Variants in NUBPL observed in about 807,000 individuals in gnomAD.
NUBPL encodes NUBP iron-sulfur cluster assembly factor, mitochondrial.
Under a neutral mutation model 45.7 loss-of-function variants are expected in NUBPL, and 31 were observed. That is an observed-to-expected ratio of 0.68 (90% CI 0.51 to 0.92). The LOEUF is 0.92. Ranked by LOEUF, NUBPL falls within the 40% of genes least tolerant of loss-of-function variation. The probability of loss-of-function intolerance (pLI) is 0.00; values close to 1 mark genes in which losing one functional copy is unlikely to be tolerated. For synonymous variants in NUBPL, 144 were observed against 140.9 expected (o/e 1.02, Z -0.15); for missense variants, 401 against 398.7 (o/e 1.01, Z -0.05).
intron 7 of NUBPL, among the ~76,000 whole-genome samples, chr14:31,812,771 G>C (rs1254262150): frequency 1.3e-5 from 2 of 152,018 alleles, no homozygotes; most frequent in African/African-American, 4.8e-5. Context: ...ATCTTGCAAG[G>C]GTTTTATCTT....
In NUBPL at chr14:31,702,960, CTG is replaced by C. The variant is rs148260045; in HGVS notation, c.513+29389_513+29390del. Among the ~76,000 whole-genome samples, 136 of 152,308 alleles carry C rather than the reference CTG, an allele frequency of 8.9e-4. 1 individual carries two copies. Among genetic ancestry groups the C allele is most frequent in the African/African-American group, 3.2e-3 (134 of 41,562 alleles). On this transcript the variant is annotated intron_variant, in intron 6 of 10. Coordinates refer to ENST00000281081, the MANE Select transcript of NUBPL (RefSeq NM_025152.3). ...TCTCTTTAATATCTTTAACTAAAAA[CTG>C]TGATTCCCTGCAGACAGTGCTTTTA...
intron 10 of NUBPL, among the ~76,000 whole-genome samples, chr14:31,852,562 T>C (rs1187824851): frequency 6.6e-6 from 1 of 152,060 alleles, no homozygotes; most frequent in Non-Finnish European, 1.5e-5. Context: ...TCCCGGCTAC[T>C]TGGGAGGCTG....
At chr14:31,740,462 T>C (rs2038259664) in intron 6 of NUBPL, among the ~76,000 whole-genome samples, 1 of 152,258 alleles carries the variant, frequency 6.6e-6, no homozygotes, top group Admixed American at 6.5e-5. Context: ...TTTGGTGAGA[T>C]GTATTTAAGG....
intron 6 of NUBPL, among the ~76,000 whole-genome samples, chr14:31,693,857 C>CTTTTTTTTTTT (rs36082577): frequency 1.2e-4 from 7 of 59,174 alleles, no homozygotes; most frequent in Non-Finnish European, 2.0e-4. Context: ...CTTTTCTTTT[C>CTTTTTTTTTTT]TTTTTTTTTT....
rs560529509 is a variant in NUBPL at position 31,561,972 on chromosome 14, C to A, written c.109-96C>A. ...ATGAGCAGAATTAGAAAAGAAAGCC[C>A]TCTTAATTGCAAACCCCAGATTGTT... On this transcript the variant is annotated intron_variant, in intron 1 of 10. Transcript: ENST00000281081. 2.0e-4 allele frequency: 252 copies of A among 1,237,118 alleles called. 2 individuals carry two copies. The East Asian group carries it at 2.2e-3, about 11-fold the overall frequency. The allele number at this position is 1,237,118 out of a possible 1,614,324, so 76.6% of individuals were successfully genotyped here.
chr14:31,833,646 G>T (rs1260140211), intron 8 of NUBPL, among the ~76,000 whole-genome samples: 1 of 152,162 alleles, frequency 6.6e-6, no homozygotes, highest in Non-Finnish European at 1.5e-5. Flanking sequence ...ATGAACAGGT[G>T]AGCAGAGTAG....
intron 6 of NUBPL, among the ~76,000 whole-genome samples, chr14:31,737,067 C>T (rs35144494): frequency 0.4 from 55,849 of 140,852 alleles, 12,572 homozygotes; most frequent in East Asian, 0.63. Flanking sequence ...TTTGGATATG[C>T]GCCCTTTGTC....
rs34927697 is a variant in NUBPL, at chr14:31,667,403, G to A, written c.383-5952G>A. Among the ~76,000 whole-genome samples, 1,314 of 151,906 alleles carry A rather than the reference G, an allele frequency of 8.7e-3. 12 individuals are homozygous for A. The highest frequency in any genetic ancestry group is 0.013 in the Non-Finnish European group (891 of 67,950). On this transcript the variant is annotated intron_variant, in intron 4 of 10. Coordinates refer to ENST00000281081, the MANE Select transcript of NUBPL (RefSeq NM_025152.3). ...GTGCTGTGTTTTTCAGCACCATCAG[G>A]TCATTTATCTTCTTCTCTAAACTGG...
chr14:31,754,654 G>C (rs116970926), intron 6 of NUBPL, among the ~76,000 whole-genome samples: 11,705 of 76,308 alleles, frequency 0.15, 600 homozygotes, highest in African/African-American at 0.22. Context: ...TATTTTTCTT[G>C]TTGCAGGCAA....
chr14:31,757,199 G>T (rs12588233), intron 6 of NUBPL, among the ~76,000 whole-genome samples: 3 of 98,496 alleles, frequency 3.0e-5, no homozygotes, highest in African/African-American at 8.3e-5. Context: ...TTGGTATCAG[G>T]ATGATGCTGG....
At chr14:31,656,946 A>T (rs1013086775) in intron 4 of NUBPL, among the ~76,000 whole-genome samples, 2 of 152,242 alleles carry the variant, frequency 1.3e-5, no homozygotes, top group African/African-American at 4.8e-5. Flanking sequence ...CACTCAATAA[A>T]TATGTTGAAT....
At chr14:31,754,105 C>A (rs2038594999) in intron 6 of NUBPL, among the ~76,000 whole-genome samples, 1 of 152,124 alleles carries the variant, frequency 6.6e-6, no homozygotes, top group South Asian at 2.1e-4. Context: ...GAATGTTGGG[C>A]ACGTCTAGTC....
chr14:31,720,769 C>T (rs1247133639), intron 6 of NUBPL, among the ~76,000 whole-genome samples: 1 of 152,188 alleles, frequency 6.6e-6, no homozygotes, highest in Admixed American at 6.5e-5. Flanking sequence ...TTCACATGCT[C>T]AGTAGTCACA....
intron 4 of NUBPL, among the ~76,000 whole-genome samples, chr14:31,652,167 A>T (rs1292417959): frequency 6.6e-6 from 1 of 152,206 alleles, no homozygotes; most frequent in East Asian, 1.9e-4. Flanking sequence ...AAGCTGGAAG[A>T]CATTAAGCTT....
chr14:31,741,416 C>G (rs1045890945), intron 6 of NUBPL, among the ~76,000 whole-genome samples: 1 of 152,154 alleles, frequency 6.6e-6, no homozygotes, highest in East Asian at 1.9e-4. Context: ...AGGTATTTCC[C>G]TTCCCTCTGG....
intron 6 of NUBPL, among the ~76,000 whole-genome samples, chr14:31,745,495 C>T (rs936486415): frequency 7.2e-5 from 11 of 152,090 alleles, no homozygotes; most frequent in African/African-American, 1.9e-4. Context: ...GGGGTTTCAC[C>T]GTGCTAGCCA....
chr14:31,767,332 A>G (rs2038932554), intron 6 of NUBPL, among the ~76,000 whole-genome samples: 2 of 152,010 alleles, frequency 1.3e-5, no homozygotes, highest in Non-Finnish European at 2.9e-5. Context: ...CCTCCTGAGT[A>G]GCTAGGACTA....
chr14:31,692,682 G>C (rs1230505752), intron 6 of NUBPL, among the ~76,000 whole-genome samples: 2 of 152,210 alleles, frequency 1.3e-5, no homozygotes, highest in African/African-American at 2.4e-5. Flanking sequence ...GTTGTTATTA[G>C]TGATTTCCCT....
chr14:31,693,852 C>CT (rs138873656), intron 6 of NUBPL, among the ~76,000 whole-genome samples: 17,542 of 64,598 alleles, frequency 0.27, 3,574 homozygotes, highest in African/African-American at 0.57. Context: ...ATTTTCTTTT[C>CT]TTTTCTTTTT....
Sources: gnomAD v4.1 joint callset for allele counts (sites outside exome capture counted in the v4.1 genomes callset) on GRCh38, gnomAD v4.1.1 for gene constraint, MANE v1.5 for transcripts, NCBI Gene and HGNC (gene_info 2026-07-23, HGNC 2026-07-21) for gene names.